ZNF536: variants seen among roughly 807,000 people sequenced by gnomAD.
ZNF536 encodes the protein zinc finger protein 536.
A neutral mutation model predicts 84.5 loss-of-function variants in ZNF536; 13 were observed. The observed-to-expected ratio is 0.15, with a 90% CI of 0.10 to 0.24. ZNF536 has a LOEUF of 0.24. Among genes scored for constraint, ZNF536 ranks in the 10% least tolerant of loss-of-function variants. The probability of loss-of-function intolerance (pLI) is 1.00; values close to 1 mark genes in which losing one functional copy is unlikely to be tolerated. For missense variants in ZNF536, 1,536 were observed against 1,747.5 expected (o/e 0.88, Z 2.16); for synonymous variants, 811 against 742.5 (o/e 1.09, Z -1.50).
At chr19:30,335,093 C>A (rs553534960) in intron 2 of ZNF536, among the ~76,000 whole-genome samples, 11 of 152,106 alleles carry the variant, frequency 7.2e-5, no homozygotes, top group Non-Finnish European at 1.5e-4. Context: ...CTGGGGCTGG[C>A]GGAACAGGGA....
intron 1 of ZNF536, among the ~76,000 whole-genome samples, chr19:30,658,655 G>A (rs1049610835): frequency 6.6e-6 from 1 of 152,074 alleles, no homozygotes. Context: ...TATTCCCTCT[G>A]TGGGTCCCAT....
intron 1 of ZNF536, among the ~76,000 whole-genome samples, chr19:30,615,386 C>A (rs1032268558): frequency 6.6e-6 from 1 of 152,078 alleles, no homozygotes; most frequent in Non-Finnish European, 1.5e-5. Context: ...TTAAATAATT[C>A]TTCTTTATCC....
chr19:30,641,378 G>A (rs952508195), intron 1 of ZNF536, among the ~76,000 whole-genome samples: 28 of 152,044 alleles, frequency 1.8e-4, no homozygotes, highest in Admixed American at 4.6e-4. Context: ...CCTGTGCCTA[G>A]CTTTTATGGA....
intron 1 of ZNF536, among the ~76,000 whole-genome samples, chr19:30,253,270 A>G (rs991783431): frequency 6.6e-6 from 1 of 152,210 alleles, no homozygotes; most frequent in Admixed American, 6.5e-5. Context: ...TGATTCACTA[A>G]TCTCTGACAT....
chr19:30,439,176 C>A (rs559616355), intron 1 of ZNF536, among the ~76,000 whole-genome samples: 36 of 152,278 alleles, frequency 2.4e-4, no homozygotes, highest in African/African-American at 6.7e-4. Context: ...CACACGCACA[C>A]ACACACACAC....
intron 1 of ZNF536, among the ~76,000 whole-genome samples, chr19:30,655,738 C>T (rs1455599341): frequency 2.6e-5 from 4 of 152,128 alleles, no homozygotes; most frequent in South Asian, 4.1e-4. Flanking sequence ...TTCCTCTGGC[C>T]GGTTAAAATT....
At chr19:30,522,355 A>C (rs1281874507) in intron 2 of ZNF536, among the ~76,000 whole-genome samples, 1 of 147,226 alleles carries the variant, frequency 6.8e-6, no homozygotes, top group Non-Finnish European at 1.5e-5. Context: ...TGAAGGGTTC[A>C]GCATTTATTC....
chr19:30,340,089 G>A (rs887115887), intron 2 of ZNF536, among the ~76,000 whole-genome samples: 1 of 152,160 alleles, frequency 6.6e-6, no homozygotes, highest in Admixed American at 6.5e-5. Context: ...AGCTCCAGGA[G>A]TGTCTGCTGT....
chr19:30,438,214 C>G (rs909840464), intron 1 of ZNF536, among the ~76,000 whole-genome samples: 1 of 151,956 alleles, frequency 6.6e-6, no homozygotes, highest in Non-Finnish European at 1.5e-5. Flanking sequence ...AACATTGTAC[C>G]CTATAGGTAA....
chr19:30,558,208 T>C (rs1195928579), downstream of ZNF536: 3 of 152,224 alleles, frequency 2.0e-5, no homozygotes, highest in East Asian at 5.8e-4. Context: ...CATTGCATTT[T>C]TCTATCCACT....
chr19:30,675,523 T>C (rs2050722245), intron 1 of ZNF536, among the ~76,000 whole-genome samples: 1 of 152,200 alleles, frequency 6.6e-6, no homozygotes, highest in African/African-American at 2.4e-5. Flanking sequence ...CAGGTTTATT[T>C]GAGATGTAAC....
intron 3 of ZNF536, among the ~76,000 whole-genome samples, chr19:30,364,111 C>T (rs551806570): frequency 6.6e-6 from 1 of 152,230 alleles, no homozygotes; most frequent in African/African-American, 2.4e-5. Context: ...GCTGGAGCCC[C>T]ACGGTGAACA....
At chr19:30,497,531 T>C (rs1347157770) in intron 2 of ZNF536, among the ~76,000 whole-genome samples, 4 of 152,296 alleles carry the variant, frequency 2.6e-5, no homozygotes, top group Middle Eastern at 3.4e-3. Context: ...CAATGTGACA[T>C]GCATCCCTCA....
At chr19:30,349,135 G>A (rs1180943641) in intron 2 of ZNF536, among the ~76,000 whole-genome samples, 1 of 152,166 alleles carries the variant, frequency 6.6e-6, no homozygotes. Context: ...GACTTCTTTT[G>A]GTTTAGTGAG....
intron 1 of ZNF536, among the ~76,000 whole-genome samples, chr19:30,677,542 T>G (rs1272850762): frequency 6.6e-6 from 1 of 152,340 alleles, no homozygotes; most frequent in Non-Finnish European, 1.5e-5. Context: ...TGCAGGATCC[T>G]GGCCCTCAGG....
At chr19:30,619,037 G>A (rs2048394086) in intron 1 of ZNF536, among the ~76,000 whole-genome samples, 1 of 152,160 alleles carries the variant, frequency 6.6e-6, no homozygotes, top group South Asian at 2.1e-4. Flanking sequence ...ATGTAGTGGT[G>A]AAGTTTGAGT....
chr19:30,617,156 T>C (rs1196732578), intron 1 of ZNF536, among the ~76,000 whole-genome samples: 1 of 151,010 alleles, frequency 6.6e-6, no homozygotes, highest in African/African-American at 2.4e-5. Flanking sequence ...CCATGGGTTT[T>C]TGGGGAACAG....
intron 1 of ZNF536, among the ~76,000 whole-genome samples, chr19:30,644,336 T>A (rs2049380911): frequency 6.6e-6 from 1 of 152,190 alleles, no homozygotes; most frequent in African/African-American, 2.4e-5. Flanking sequence ...AGAGTTAAAA[T>A]GGAGAGAAAG....
intron 1 of ZNF536, among the ~76,000 whole-genome samples, chr19:30,281,070 T>C (rs971404858): frequency 6.6e-6 from 1 of 152,102 alleles, no homozygotes; most frequent in Non-Finnish European, 1.5e-5. Flanking sequence ...CGAGGCACCT[T>C]CCACTTCCTC....
Sources: gnomAD v4.1 joint callset for allele counts (sites outside exome capture counted in the v4.1 genomes callset) on GRCh38, gnomAD v4.1.1 for gene constraint, MANE v1.5 for transcripts, NCBI Gene and HGNC (gene_info 2026-07-23, HGNC 2026-07-21) for gene names.